The following HNRNPA1 variants were observed in gnomAD, a reference collection of about 807,000 sequenced individuals.
The protein encoded by HNRNPA1 is heterogeneous nuclear ribonucleoprotein A1.
In HNRNPA1, 7 loss-of-function variants were observed where a neutral mutation model predicts 44.4. The observed-to-expected ratio is 0.16, with a 90% CI of 0.09 to 0.30. The LOEUF is 0.30. Among genes scored for constraint, HNRNPA1 ranks in the 10% least tolerant of loss-of-function variants. HNRNPA1 has a pLI of 1.00. For missense variants in HNRNPA1, 193 were observed against 465.8 expected, an observed-to-expected ratio of 0.41 and a Z score of 5.39; for synonymous variants, 169 against 160.6, an observed-to-expected ratio of 1.05 and a Z score of -0.40.
chr12:54,283,511 A>G (rs1034657414), intron 8 of HNRNPA1, among the ~76,000 whole-genome samples: 1 of 152,092 alleles, frequency 6.6e-6, no homozygotes, highest in African/African-American at 2.4e-5. Context: ...GATGTATCCA[A>G]GATACTTCTG....
intron 9 of HNRNPA1, 145 bp downstream of exon 9, chr12:54,284,112 A>G: frequency 1.6e-6 from 2 of 1,287,134 alleles, no homozygotes; most frequent in Admixed American, 5.2e-5. Flanking sequence ...CACAAATTAG[A>G]AAAATCATGG....
rs142488362 is a variant in HNRNPA1, at chr12:54,282,694, T to C, written c.676+29T>C. On this transcript the variant is annotated intron_variant, in intron 6 of 10. Coordinates refer to ENST00000340913, the MANE Select transcript of HNRNPA1 (RefSeq NM_031157.4). ...TGTATGGTTTATCTACATGTAGTTC[T>C]GACTTCTCACCATCTTTGCTATGAA... is the stretch of plus-strand genomic sequence containing the variant. 8.1e-6 allele frequency: 13 copies of C among 1,600,608 alleles called. No homozygotes were observed. In the East Asian group the frequency reaches 2.9e-4, roughly 36 times the overall value.
rs1944200276 is a variant in HNRNPA1, at chr12:54,282,945, T to G, written c.751+71T>G. 9.4e-6 allele frequency: 14 copies of G among 1,487,764 alleles called. No homozygotes were observed. The Admixed American group carries it at 2.3e-4, about 24-fold the overall frequency. The allele number at this position is 1,487,764 out of a possible 1,614,324, so 92.2% of individuals were successfully genotyped here. A position where few individuals can be genotyped will look rare whatever the true frequency, so the allele number is the denominator to read the frequency against. On this transcript the variant is annotated intron_variant, in intron 7 of 10. Coordinates refer to ENST00000340913, the MANE Select transcript of HNRNPA1 (RefSeq NM_031157.4). The stretch of plus-strand genomic sequence containing the variant: ...ATCTTTAGAATAGGTTAGTAGAGAC[T>G]AAAATTCTGGTGCATGTCAAACTCA...
Sources: gnomAD v4.1 joint callset for allele counts (sites outside exome capture counted in the v4.1 genomes callset) on GRCh38, gnomAD v4.1.1 for gene constraint, MANE v1.5 for transcripts, NCBI Gene and HGNC (gene_info 2026-07-23, HGNC 2026-07-21) for gene names.